Variants in RBFOX1 observed in about 807,000 individuals in gnomAD.
RBFOX1 encodes RNA binding protein fox-1 homolog 1.
RBFOX1 carries 8 observed loss-of-function variants against 57.7 expected under a neutral mutation model. That is an observed-to-expected ratio of 0.14 (90% CI 0.08 to 0.25). The LOEUF is 0.25. Among genes scored for constraint, RBFOX1 ranks in the 10% least tolerant of loss-of-function variants. RBFOX1 has a pLI of 1.00. For synonymous variants in RBFOX1, 326 were observed against 222.4 expected (o/e 1.47, Z -4.15); for missense variants, 611 against 548.5 (o/e 1.11, Z -1.14).
At chr16:7,452,182 A>C (rs374699639) in intron 4 of RBFOX1, among the ~76,000 whole-genome samples, 44 of 152,374 alleles carry the variant, frequency 2.9e-4, no homozygotes, top group African/African-American at 1.1e-3. Flanking sequence ...GCAGCTGTAA[A>C]TACGCATATA....
At chr16:7,310,201 G>C (rs999981385) in intron 4 of RBFOX1, among the ~76,000 whole-genome samples, 1 of 152,200 alleles carries the variant, frequency 6.6e-6, no homozygotes, top group African/African-American at 2.4e-5. Context: ...CGCCTCTGCT[G>C]GGAGACAGAG....
chr16:6,385,214 A>T, intron 2 of RBFOX1, among the ~76,000 whole-genome samples: 1 of 152,338 alleles, frequency 6.6e-6, no homozygotes, highest in South Asian at 2.1e-4. Flanking sequence ...GCTTTTTCGT[A>T]TTTAAATAAT....
At chr16:6,780,734 C>T (rs150826972) in intron 3 of RBFOX1, among the ~76,000 whole-genome samples, 1 of 151,068 alleles carries the variant, frequency 6.6e-6, no homozygotes, top group Admixed American at 6.7e-5. Context: ...TTGCATTTCT[C>T]TAATGATTAG....
At chr16:5,608,648 G>A (rs1456159741) in intron 3 of RBFOX1, among the ~76,000 whole-genome samples, 1 of 152,196 alleles carries the variant, frequency 6.6e-6, no homozygotes, top group African/African-American at 2.4e-5. Flanking sequence ...GATTATTTCA[G>A]CTCTGTCCAG....
At chr16:5,954,132 G>T (rs13338619) in intron 4 of RBFOX1, among the ~76,000 whole-genome samples, 3 of 152,106 alleles carry the variant, frequency 2.0e-5, no homozygotes, top group African/African-American at 7.2e-5. Context: ...CAGTGGTGCT[G>T]AGGTTGAGAA....
intron 1 of RBFOX1, among the ~76,000 whole-genome samples, chr16:6,290,060 T>C (rs2077304874): frequency 2.6e-5 from 4 of 151,962 alleles, no homozygotes; most frequent in Admixed American, 6.6e-5. Context: ...ATTTAGAAAT[T>C]TGTAAAATTG....
At chr16:6,110,460 G>A (rs1210170992) in intron 1 of RBFOX1, among the ~76,000 whole-genome samples, 1 of 152,110 alleles carries the variant, frequency 6.6e-6, no homozygotes, top group Non-Finnish European at 1.5e-5. Flanking sequence ...AAACACAATT[G>A]ATACCTAAGT....
intron 10 of RBFOX1, among the ~76,000 whole-genome samples, chr16:7,611,041 C>G (rs1418445345): frequency 1.3e-5 from 2 of 152,128 alleles, no homozygotes; most frequent in African/African-American, 4.8e-5. Context: ...GAAAGCCAGA[C>G]TTATTAGTCA....
chr16:6,373,072 T>C (rs1339058000), intron 2 of RBFOX1, among the ~76,000 whole-genome samples: 2 of 151,098 alleles, frequency 1.3e-5, no homozygotes, highest in African/African-American at 4.9e-5. Context: ...GGATAGTTCA[T>C]TGTGATCACT....
chr16:6,134,062 A>T (rs926485531), intron 1 of RBFOX1, among the ~76,000 whole-genome samples: 17 of 151,474 alleles, frequency 1.1e-4, no homozygotes, highest in African/African-American at 4.1e-4. Context: ...TCAGCCCCCC[A>T]GGTAACTGAG....
At chr16:6,505,801 C>T (rs781323378) in intron 2 of RBFOX1, among the ~76,000 whole-genome samples, 16 of 152,168 alleles carry the variant, frequency 1.1e-4, no homozygotes, top group Non-Finnish European at 2.4e-4. Flanking sequence ...GGCAGTGGTT[C>T]TGATAACACA....
intron 3 of RBFOX1, among the ~76,000 whole-genome samples, chr16:5,682,100 G>A (rs995009557): frequency 2.6e-5 from 4 of 152,170 alleles, no homozygotes; most frequent in African/African-American, 9.7e-5. Context: ...ATTACAGTTG[G>A]GTTTCAGATT....
chr16:5,273,903 C>T (rs2063078209), intron 1 of RBFOX1, among the ~76,000 whole-genome samples: 1 of 152,098 alleles, frequency 6.6e-6, no homozygotes, highest in African/African-American at 2.4e-5. Flanking sequence ...CTGGTAATGA[C>T]AAGATTGAAT....
chr16:6,799,950 G>A (rs1398911901), intron 3 of RBFOX1, among the ~76,000 whole-genome samples: 1 of 152,128 alleles, frequency 6.6e-6, no homozygotes, highest in Non-Finnish European at 1.5e-5. Context: ...TTGTGATGAT[G>A]TGAGTCAATT....
chr16:7,366,957 T>A (rs907582165), intron 4 of RBFOX1, among the ~76,000 whole-genome samples: 2 of 152,154 alleles, frequency 1.3e-5, no homozygotes, highest in Non-Finnish European at 2.9e-5. Flanking sequence ...TGAATTGAAA[T>A]GATCGATTGT....
chr16:6,021,838 G>A (rs2095085479), intron 1 of RBFOX1, among the ~76,000 whole-genome samples: 1 of 152,210 alleles, frequency 6.6e-6, no homozygotes, highest in African/African-American at 2.4e-5. Flanking sequence ...GTCCTCAGAG[G>A]GTTTGGGGGT....
chr16:7,579,939 C>A lies in RBFOX1; in HGVS notation c.414+19C>A. On this transcript the variant is annotated intron_variant, in intron 6 of 15. Transcript: ENST00000550418. ...GTTTGGTGTAAGTATCACCTTTCTT[C>A]CCAGCAGTGCCCGCTCTGGGGGTTC... The A allele has an allele frequency of 1.2e-6, 2 of 1,612,742 alleles. No homozygotes were observed. Among genetic ancestry groups the A allele is most frequent in the Non-Finnish European group, 1.7e-6 (2 of 1,178,838 alleles).
intron 3 of RBFOX1, among the ~76,000 whole-genome samples, chr16:5,684,899 A>G (rs1399061871): frequency 6.6e-6 from 1 of 152,180 alleles, no homozygotes; most frequent in African/African-American, 2.4e-5. Context: ...CTTGAGTTCC[A>G]GGCATCAGGG....
chr16:6,818,951 G>T (rs1419283343), intron 3 of RBFOX1, among the ~76,000 whole-genome samples: 2 of 151,818 alleles, frequency 1.3e-5, no homozygotes, highest in African/African-American at 4.8e-5. Flanking sequence ...AATTTTGGTA[G>T]CCACCTCTCC....
Sources: allele counts gnomAD v4.1 joint callset (sites outside exome capture counted in the v4.1 genomes callset), GRCh38; gene constraint gnomAD v4.1.1; transcripts MANE v1.5; gene names NCBI Gene and HGNC (gene_info 2026-07-23, HGNC 2026-07-21).